The following EOLA1 variants were observed in gnomAD, a reference collection of about 807,000 sequenced individuals.
EOLA1 encodes endothelium and lymphocyte associated ASCH domain 1.
In EOLA1, 1 loss-of-function variant was observed where a neutral mutation model predicts 4.5. The ratio of observed to expected loss-of-function variants is 0.22; its 90% CI spans 0.08 to 1.05. EOLA1 has a LOEUF of 1.05. Among genes scored for constraint, EOLA1 ranks in the 50% least tolerant of loss-of-function variants. The pLI is 0.57. For missense variants in EOLA1, 69 were observed against 127.2 expected (o/e 0.54, Z 2.20); for synonymous variants, 37 against 52.3 (o/e 0.71, Z 1.26).
intron 1 of EOLA1, 84 bp from the exon 2 acceptor site, chrX:149,541,935 A>C: frequency 1.6e-6 from 1 of 613,302 alleles, no homozygotes; most frequent in South Asian, 8.4e-5. Context: ...ATGCCTGCTA[A>C]GTACATGACC....
At chrX:149,554,558 GGA>G (rs2089917477), downstream of EOLA1, among the ~76,000 whole-genome samples, 1 of 68,719 alleles carries the variant, frequency 1.5e-5, no homozygotes, top group African/African-American at 4.7e-5. Flanking sequence ...GCTAGGCCAT[GGA>G]GGGGTTGAGC....
At chrX:149,543,328 TC>T (rs2089766453) in intron 2 of EOLA1, among the ~76,000 whole-genome samples, 1 of 86,328 alleles carries the variant, frequency 1.2e-5, no homozygotes, top group Non-Finnish European at 2.2e-5. Flanking sequence ...GGAAACCAGA[TC>T]AGGAGGGACC....
In EOLA1 at chrX:149,542,132, T is replaced by C. The variant is rs782265496; in HGVS notation, c.-163+47T>C. On this transcript the variant is annotated intron_variant, in intron 2 of 4. Coordinates refer to ENST00000393985, the MANE Select transcript of EOLA1 (RefSeq NM_001171907.3). ...TTCTTGCCTTTTCAGTTACATCAGT[T>C]CCTACTAGGGATTCCACATACACAC... 61 of 490,760 alleles carry C rather than the reference T, an allele frequency of 1.2e-4. No homozygotes were observed. In the African/African-American group the frequency reaches 1.4e-3, roughly 11 times the overall value. 40.4% of individuals were successfully genotyped at this position (490,760 alleles called of 1,213,427 possible).
At chrX:149,548,352 A>C (rs12835002), downstream of EOLA1, 70,796 of 931,192 alleles carry the variant, frequency 0.076, 2,589 homozygotes, top group Middle Eastern at 0.098. Context: ...GTGTTTCTGA[A>C]CTGTTCACAG....
Position 149,545,458 on chromosome X carries a change from G to A in EOLA1, c.-72G>A, listed in dbSNP as rs2089822233. 3 of 1,097,706 alleles carry A rather than the reference G, an allele frequency of 2.7e-6. No individual in the cohort carries two copies. Among genetic ancestry groups the A allele is most frequent in the Non-Finnish European group, 3.6e-6 (3 of 841,008 alleles). 90.5% of individuals were successfully genotyped at this position (1,097,706 alleles called of 1,213,427 possible). On this transcript the variant is annotated 5_prime_UTR_variant, in exon 3 of 5. An upstream open reading frame in the 5' UTR gains an earlier in-frame stop. Transcript: ENST00000393985. The stretch of plus-strand genomic sequence containing the variant: ...CAGCCCCTTCCCTTGGGCCTGCTGT[G>A]GTGCTGGACATCAGTGACAGACGGA...
chrX:149,549,996 GGCTTAACTCATCATCT>G, downstream of EOLA1: 1 of 333,510 alleles, frequency 3.0e-6, no homozygotes, highest in African/African-American at 2.5e-5. Flanking sequence ...GGCAACCAGT[GGCTTAACTCATCATCT>G]GCTGTATTTG....
rs1241583553 is a variant in EOLA1, at chrX:149,543,759, T to C, written c.-162-1609T>C. On this transcript the variant is annotated intron_variant, in intron 2 of 4. Transcript: ENST00000393985. ...TGGTGGTGATGGTTGGGGTCCTGAG[T>C]ATGTACGGGCCTGTCCACCTAAGGC... 5.7e-5 allele frequency among the ~76,000 whole-genome samples: 5 copies of C among 87,576 alleles called. No homozygotes were observed. The East Asian group carries it at 1.2e-3, about 22-fold the overall frequency. 76.0% of individuals were successfully genotyped at this position (87,576 alleles called of 115,157 possible). A position where few individuals can be genotyped will look rare whatever the true frequency, so the allele number is the denominator to read the frequency against.
At chrX:149,544,503 C>A in intron 2 of EOLA1, 1 of 751,835 alleles carries the variant, frequency 1.3e-6, no homozygotes, top group South Asian at 6.8e-5. Context: ...AGGGCAGCCA[C>A]TATTTCTGAC....
Position 149,544,485 on chromosome X carries a change from G to C in EOLA1, c.-162-883G>C, listed in dbSNP as rs1213313855. ...GGGCCGGGGGCGGGGCCACGGGCCT[G>C]AGGGGTGAGGGCAGCCACTATTTCT... is the stretch of plus-strand genomic sequence containing the variant. On this transcript the variant is annotated intron_variant, in intron 2 of 4. Coordinates refer to ENST00000393985, the MANE Select transcript of EOLA1 (RefSeq NM_001171907.3). The C allele has an allele frequency of 4.1e-5, 31 of 748,335 alleles. 1 individual carries two copies. The highest frequency in any genetic ancestry group is 9.5e-5 in the African/African-American group (4 of 42,105). 61.7% of individuals were successfully genotyped at this position (748,335 alleles called of 1,213,427 possible).
chrX:149,548,475 A>G, downstream of EOLA1: 1 of 932,584 alleles, frequency 1.1e-6, no homozygotes, highest in Non-Finnish European at 1.3e-6. Context: ...ATATTGTACA[A>G]AGACATTACA....
Position 149,544,801 on chromosome X carries a change from C to T in EOLA1, c.-162-567C>T, listed in dbSNP as rs193176746. The T allele has an allele frequency of 7.8e-3, 5,832 of 747,564 alleles. 26 individuals are homozygous for T. Among genetic ancestry groups the T allele is most frequent in the Non-Finnish European group, 8.5e-3 (5,373 of 634,615 alleles). 61.6% of individuals were successfully genotyped at this position (747,564 alleles called of 1,213,427 possible). On this transcript the variant is annotated intron_variant, in intron 2 of 4. Coordinates refer to ENST00000393985, the MANE Select transcript of EOLA1 (RefSeq NM_001171907.3). The stretch of plus-strand genomic sequence containing the variant: ...CAGCCATAGAGTGGGCCTCACAGTA[C>T]CACTGACCCTGCTGGGTTACTTGAA...
At position 149,548,102 on chromosome X, in the gene EOLA1, A is replaced by G. The variant is rs195217; in HGVS notation, c.*1140A>G. The G allele has an allele frequency of 0.099, 19,355 of 194,730 alleles. 1,585 individuals are homozygous for G. The highest frequency in any genetic ancestry group is 0.27 in the African/African-American group (8,255 of 30,187). The allele number at this position is 194,730 out of a possible 1,213,427, so 16.0% of individuals were successfully genotyped here. Reference sequence around the variant, plus strand: ...GAAAATGCTGCTTCTCCAAATAAACAAGGACAATGGGGACCAAAGCCTGTC... The same window carrying G: ...GAAAATGCTGCTTCTCCAAATAAACGAGGACAATGGGGACCAAAGCCTGTC... On this transcript the variant is annotated 3_prime_UTR_variant, in exon 5 of 5. Transcript: ENST00000393985.
At chrX:149,542,490 C>T (rs1370008198) in intron 2 of EOLA1, among the ~76,000 whole-genome samples, 5 of 109,884 alleles carry the variant, frequency 4.6e-5, no homozygotes, top group Non-Finnish European at 9.5e-5. Context: ...GCCAGGCGGC[C>T]GAGGCATTTC....
chrX:149,544,443 C>T, intron 2 of EOLA1: 14 of 652,627 alleles, frequency 2.1e-5, no homozygotes, highest in Non-Finnish European at 2.5e-5. Context: ...GTAGGGGCAG[C>T]TCAAGGGTGG....
chrX:149,543,921 G>A (rs1294730859), intron 2 of EOLA1, among the ~76,000 whole-genome samples: 2 of 66,035 alleles, frequency 3.0e-5, no homozygotes, highest in Non-Finnish European at 5.9e-5. Flanking sequence ...AGACAGGACT[G>A]GCATGAGGCC....
chrX:149,544,500 C>G, intron 2 of EOLA1: 1 of 751,453 alleles, frequency 1.3e-6, no homozygotes, highest in African/African-American at 2.3e-5. Flanking sequence ...GTGAGGGCAG[C>G]CACTATTTCT....
intron 2 of EOLA1, among the ~76,000 whole-genome samples, chrX:149,542,584 C>G (rs1487930754): frequency 8.3e-5 from 9 of 108,564 alleles, no homozygotes; most frequent in Admixed American, 5.9e-4. Context: ...AACTCTCCAT[C>G]AGTGGAGGAA....
upstream of EOLA1, chrX:149,540,823 C>T (rs1158786598): frequency 1.8e-5 from 2 of 112,489 alleles, no homozygotes; most frequent in African/African-American, 3.2e-5. Context: ...CGTCTCCTAG[C>T]AGCCAGGGCG....
rs1157964430 is a variant in EOLA1 at position 149,541,790 on chromosome X, C to T, written c.-229-229C>T. 3.8e-5 allele frequency: 29 copies of T among 754,360 alleles called. No homozygotes were observed. In the African/African-American group the frequency reaches 6.0e-4, roughly 15 times the overall value. The allele number at this position is 754,360 out of a possible 1,213,427, so 62.2% of individuals were successfully genotyped here. A position where few individuals can be genotyped will look rare whatever the true frequency, so the allele number is the denominator to read the frequency against. On this transcript the variant is annotated intron_variant, in intron 1 of 4. Transcript: ENST00000393985. The stretch of plus-strand genomic sequence containing the variant: ...CATGGTGAAATGATTTTCTGCCCTG[C>T]GGGCTGGTGCACCCTGTGGTCCTTG...
Sources: allele counts gnomAD v4.1 joint callset (sites outside exome capture counted in the v4.1 genomes callset), GRCh38; gene constraint gnomAD v4.1.1; transcripts MANE v1.5; gene names NCBI Gene and HGNC (gene_info 2026-07-23, HGNC 2026-07-21).